The following FGF1 variants were observed in gnomAD, a reference collection of about 807,000 sequenced individuals.
The protein encoded by FGF1 is fibroblast growth factor 1.
FGF1 carries 9 observed loss-of-function variants against 13.4 expected under a neutral mutation model. That is an observed-to-expected ratio of 0.67 (90% CI 0.40 to 1.17). The LOEUF (loss-of-function observed/expected upper bound fraction) is 1.17, where lower values mean the gene tolerates loss of function less well. Among genes scored for constraint, FGF1 ranks in the 50% most tolerant of loss-of-function variants. The pLI is 0.01. For synonymous variants in FGF1, 93 were observed against 79.0 expected, an observed-to-expected ratio of 1.18 and a Z score of -0.94; for missense variants, 156 against 192.7, an observed-to-expected ratio of 0.81 and a Z score of 1.13.
At chr5:142,644,775 T>C (rs545604675) in intron 1 of FGF1, among the ~76,000 whole-genome samples, 4 of 152,356 alleles carry the variant, frequency 2.6e-5, no homozygotes, top group Non-Finnish European at 5.9e-5. Context: ...GCTGTTTAGC[T>C]TGTGATAGTC....
At chr5:142,613,438 C>T (rs969232679) in intron 2 of FGF1, among the ~76,000 whole-genome samples, 13 of 152,220 alleles carry the variant, frequency 8.5e-5, no homozygotes, top group East Asian at 5.8e-4. Context: ...GCCACATCTG[C>T]GTGATACGCA....
At chr5:142,619,360 T>C (rs894578154) in intron 1 of FGF1, among the ~76,000 whole-genome samples, 1 of 152,166 alleles carries the variant, frequency 6.6e-6, no homozygotes, top group Non-Finnish European at 1.5e-5. Flanking sequence ...AAGGTGATAA[T>C]TGGATGTATC....
chr5:142,687,374 G>A (rs1440593260), upstream of FGF1, among the ~76,000 whole-genome samples: 1 of 152,130 alleles, frequency 6.6e-6, no homozygotes, highest in Non-Finnish European at 1.5e-5. Context: ...GAAGGAGCTC[G>A]TGTCCTGTAC....
upstream of FGF1, among the ~76,000 whole-genome samples, chr5:142,688,464 A>G (rs886487264): frequency 2.0e-5 from 3 of 152,216 alleles, no homozygotes; most frequent in African/African-American, 4.8e-5. Context: ...TGGTCTCAGA[A>G]TAGCCCTCCA....
At chr5:142,624,802 T>C (rs2151909390) in intron 1 of FGF1, among the ~76,000 whole-genome samples, 1 of 152,346 alleles carries the variant, frequency 6.6e-6, no homozygotes, top group Non-Finnish European at 1.5e-5. Context: ...AGATCCCTAA[T>C]CCACAATTCT....
At chr5:142,681,054 G>A (rs189945837) in intron 1 of FGF1, among the ~76,000 whole-genome samples, 2 of 152,330 alleles carry the variant, frequency 1.3e-5, no homozygotes, top group Non-Finnish European at 2.9e-5. Flanking sequence ...GATGAGTCAT[G>A]TCCATGAGTA....
chr5:142,659,154 T>A (rs995805472), intron 1 of FGF1, among the ~76,000 whole-genome samples: 1 of 138,396 alleles, frequency 7.2e-6, no homozygotes, highest in Admixed American at 6.9e-5. Flanking sequence ...AGGCATGTAT[T>A]TTTTTTTTTA....
chr5:142,611,528 A>T (rs943245212), intron 2 of FGF1, among the ~76,000 whole-genome samples: 1 of 152,166 alleles, frequency 6.6e-6, no homozygotes, highest in African/African-American at 2.4e-5. Context: ...TTGCAAACAG[A>T]AAGAATGCAT....
In FGF1 at chr5:142,674,127, G is replaced by T. The variant is rs550611802; in HGVS notation, c.-35+11830C>A. ...ACTTCTATGTCACCTGCTCAGAGAGGCTCCCCTCCCCTCCCAATGTATAAT... is the reference window on the plus strand; with the variant it reads ...ACTTCTATGTCACCTGCTCAGAGAGTCTCCCCTCCCCTCCCAATGTATAAT... On this transcript the variant is annotated intron_variant, in intron 1 of 3. Coordinates refer to ENST00000337706, the MANE Select transcript of FGF1 (RefSeq NM_000800.5). Among the ~76,000 whole-genome samples, 4 of 152,286 alleles carry T rather than the reference G, an allele frequency of 2.6e-5. No homozygotes were observed. The South Asian group carries it at 8.3e-4, about 32-fold the overall frequency.
At chr5:142,691,465 TA>T (rs1442906102) in intron 2 of FGF1, among the ~76,000 whole-genome samples, 3 of 124,624 alleles carry the variant, frequency 2.4e-5, no homozygotes, top group African/African-American at 5.5e-5. Context: ...TAAAATAAAA[TA>T]AAATAAAATA....
chr5:142,623,519 C>T (rs1761989855), intron 1 of FGF1, among the ~76,000 whole-genome samples: 1 of 151,502 alleles, frequency 6.6e-6, no homozygotes, highest in Admixed American at 6.6e-5. Context: ...CTAATTTTTG[C>T]ATTCTTTTAG....
intron 2 of FGF1, among the ~76,000 whole-genome samples, chr5:142,606,252 T>TAG (rs1491349396): frequency 0.072 from 6,710 of 93,122 alleles, 261 homozygotes; most frequent in African/African-American, 0.17. Flanking sequence ...GTGTATGTAG[T>TAG]TTTTTTTTTT....
chr5:142,619,020 C>G (rs1026207049), intron 1 of FGF1, among the ~76,000 whole-genome samples: 4 of 148,850 alleles, frequency 2.7e-5, no homozygotes, highest in Admixed American at 6.7e-5. Flanking sequence ...CTGCAAGCTC[C>G]GCCTCCCAGG....
chr5:142,620,998 C>T (rs1761471462), intron 1 of FGF1, among the ~76,000 whole-genome samples: 1 of 152,224 alleles, frequency 6.6e-6, no homozygotes, highest in African/African-American at 2.4e-5. Context: ...TCCAGCCTCA[C>T]TTCTGTTGCC....
intron 2 of FGF1, among the ~76,000 whole-genome samples, chr5:142,606,743 A>G (rs991816034): frequency 6.6e-6 from 1 of 152,246 alleles, no homozygotes; most frequent in Admixed American, 6.5e-5. Context: ...GGGAAGGATA[A>G]GAGGAACTAA....
At chr5:142,697,221 A>G (rs1185952795) in intron 2 of FGF1, among the ~76,000 whole-genome samples, 2 of 152,234 alleles carry the variant, frequency 1.3e-5, no homozygotes, top group African/African-American at 4.8e-5. Context: ...GCCAACGACA[A>G]AGAATCAGCT....
chr5:142,611,138 G>A (rs1758955655), intron 2 of FGF1, among the ~76,000 whole-genome samples: 1 of 152,220 alleles, frequency 6.6e-6, no homozygotes, highest in Non-Finnish European at 1.5e-5. Context: ...TTGCCAGGCC[G>A]TGTGGATCAC....
chr5:142,631,222 GA>G (rs1597223832), intron 1 of FGF1, among the ~76,000 whole-genome samples: 1 of 152,128 alleles, frequency 6.6e-6, no homozygotes, highest in Admixed American at 6.5e-5. Flanking sequence ...TATTTTTATA[GA>G]AAAAAGTGAA....
intron 1 of FGF1, among the ~76,000 whole-genome samples, chr5:142,674,783 G>A (rs1436250284): frequency 6.6e-6 from 1 of 152,172 alleles, no homozygotes; most frequent in African/African-American, 2.4e-5. Flanking sequence ...AGAGCAAGAC[G>A]TGGTTAGAGG....
Sources: allele counts gnomAD v4.1 joint callset (sites outside exome capture counted in the v4.1 genomes callset), GRCh38; gene constraint gnomAD v4.1.1; transcripts MANE v1.5; gene names NCBI Gene and HGNC (gene_info 2026-07-23, HGNC 2026-07-21).